Variants in TRMU observed in about 807,000 individuals in gnomAD.
TRMU encodes the protein tRNA mitochondrial 2-thiouridylase.
A neutral mutation model predicts 46.9 loss-of-function variants in TRMU; 49 were observed. The ratio of observed to expected loss-of-function variants is 1.05; its 90% CI spans 0.83 to 1.33. The LOEUF is 1.33. Among genes scored for constraint, TRMU ranks in the 40% most tolerant of loss-of-function variants. The probability of loss-of-function intolerance (pLI) is 0.00; values close to 1 mark genes in which losing one functional copy is unlikely to be tolerated. For missense variants in TRMU, 572 were observed against 532.4 expected (o/e 1.07, Z -0.73); for synonymous variants, 241 against 200.9 (o/e 1.20, Z -1.69).
rs557370442 is a variant in TRMU at position 46,344,046 on chromosome 22, A to G, written c.355+678A>G. On this transcript the variant is annotated intron_variant, in intron 3 of 10. Transcript: ENST00000645190. ...TGCCTACAAAAACAAAAAATCAAAA[A>G]GAAAAATCTTAAATTTCAACATTGG... Among the ~76,000 whole-genome samples the G allele has an allele frequency of 2.6e-5, 4 of 152,384 alleles. No homozygotes were observed. The East Asian group carries it at 7.7e-4, about 29-fold the overall frequency.
intron 8 of TRMU, 104 bp from the exon 9 acceptor site, chr22:46,355,340 T>TG (rs376540495): frequency 1.3e-6 from 2 of 1,490,152 alleles, no homozygotes; most frequent in African/African-American, 2.8e-5. Flanking sequence ...CCGTTACCTG[T>TG]GTGTGTGTGT....
Position 46,355,776 on chromosome 22 carries a change from G to T in TRMU, c.1018+188G>T, listed in dbSNP as rs565658751. ...TGAGCGAGGCCTGGGGGTGCTGGGAGCAGATGCAGGCAGGCCCCGGCGTGT... is the reference window on the plus strand; with the variant it reads ...TGAGCGAGGCCTGGGGGTGCTGGGATCAGATGCAGGCAGGCCCCGGCGTGT... On this transcript the variant is annotated intron_variant, in intron 9 of 10. Coordinates refer to ENST00000645190, the MANE Select transcript of TRMU (RefSeq NM_018006.5). 3.7e-5 allele frequency: 40 copies of T among 1,092,640 alleles called. No individual in the cohort carries two copies. The East Asian group carries it at 9.8e-4, about 27-fold the overall frequency. The allele number at this position is 1,092,640 out of a possible 1,614,324, so 67.7% of individuals were successfully genotyped here. A position where few individuals can be genotyped will look rare whatever the true frequency, so the allele number is the denominator to read the frequency against.
rs561225823 is a variant in TRMU, at chr22:46,349,817, G to A, written c.479-474G>A. 2.0e-5 allele frequency among the ~76,000 whole-genome samples: 3 copies of A among 152,318 alleles called. No individual in the cohort carries two copies. Among genetic ancestry groups the A allele is most frequent in the South Asian group, 2.1e-4 (1 of 4,828 alleles). On this transcript the variant is annotated intron_variant, in intron 4 of 10. Transcript: ENST00000645190. The surrounding 1 kb of genome is among the most constrained non-coding windows in gnomAD (Gnocchi z 4.6). Reference sequence around the variant, plus strand: ...GCGCTGCTGGAGGCATGTGCTGGCCGCCGGGCAGTGAACCTGGAAAGTGTA... The same window carrying A: ...GCGCTGCTGGAGGCATGTGCTGGCCACCGGGCAGTGAACCTGGAAAGTGTA...
In TRMU at chr22:46,340,871, T is replaced by G. The variant is rs2078104632; in HGVS notation, c.249-2391T>G. Reference sequence around the variant, plus strand: ...CGGCCGGGTAGAGTCTTTTCCCATCTCTGGGGCTGCCCCCGAGGTCGCCCC... The same window carrying G: ...CGGCCGGGTAGAGTCTTTTCCCATCGCTGGGGCTGCCCCCGAGGTCGCCCC... On this transcript the variant is annotated intron_variant, in intron 2 of 10. Coordinates refer to ENST00000645190, the MANE Select transcript of TRMU (RefSeq NM_018006.5). Among the ~76,000 whole-genome samples, 7 of 152,244 alleles carry G rather than the reference T, an allele frequency of 4.6e-5. No individual in the cohort carries two copies. In the South Asian group the frequency reaches 1.4e-3, roughly 31 times the overall value.
At chr22:46,356,395 C>T (rs1295350813) in intron 10 of TRMU, 4 of 449,276 alleles carry the variant, frequency 8.9e-6, no homozygotes, top group Non-Finnish European at 4.1e-6. Flanking sequence ...GGGTCGGGGC[C>T]CCTGTGGGCC....
At chr22:46,354,035 G>A (rs1483228350) in intron 8 of TRMU, 168 bp downstream of exon 8, 2 of 659,486 alleles carry the variant, frequency 3.0e-6, no homozygotes, top group Non-Finnish European at 2.8e-6. Context: ...GGCCATGGTG[G>A]CAGGAGAGTT....
chr22:46,350,342 T>A lies in TRMU; in HGVS notation c.530T>A (p.Leu177His), dbSNP rs1477552038. 6.2e-7 allele frequency: 1 copy of A among 1,614,138 alleles called. No individual in the cohort carries two copies. Among genetic ancestry groups the A allele is most frequent in the Non-Finnish European group, 8.5e-7 (1 of 1,180,048 alleles). Residue 177 changes from leucine (L) to histidine (H), a missense_variant, in exon 5 of 11, where the codon CTC becomes CAC. Transcript: ENST00000645190. The surrounding 1 kb of genome is among the most constrained non-coding windows in gnomAD (Gnocchi z 4.6). ...ADSFKDQTFF[L>H]SQVSQDALRR... ...AGCTTTAAAGACCAGACCTTCTTTC[T>A]CAGCCAGGTTTCCCAGGATGCCCTG...
chr22:46,337,583 G>C (rs1382833622), intron 1 of TRMU, among the ~76,000 whole-genome samples, 196 bp from the exon 2 acceptor site: 1 of 152,102 alleles, frequency 6.6e-6, no homozygotes, highest in Non-Finnish European at 1.5e-5. Flanking sequence ...ATACCACCTC[G>C]TTAATCTTGG....
Position 46,350,547 on chromosome 22 carries a change from G to T in TRMU, c.651+84G>T. 1 of 1,531,122 alleles carries T rather than the reference G, an allele frequency of 6.5e-7. No individual in the cohort carries two copies. The highest frequency in any genetic ancestry group is 9.0e-7 in the Non-Finnish European group (1 of 1,110,218). The allele number at this position is 1,531,122 out of a possible 1,614,324, so 94.8% of individuals were successfully genotyped here. A position where few individuals can be genotyped will look rare whatever the true frequency, so the allele number is the denominator to read the frequency against. ...CGGAGCAGCTGGACCTGTGGGTCCC[G>T]CACCACTTCCCCTTCTCCAGGACCT... is the stretch of plus-strand genomic sequence containing the variant. On this transcript the variant is annotated intron_variant, in intron 5 of 10. Coordinates refer to ENST00000645190, the MANE Select transcript of TRMU (RefSeq NM_018006.5). This position sits in a 1 kb window ranked among gnomAD's most constrained non-coding sequence, Gnocchi z 4.6.
rs2078307062 is a variant in TRMU, at chr22:46,348,118, A to G, written c.478+1574A>G. ...TTCAGGAAGACATGGGTTGGAATGC[A>G]GAGTCCTGCCACTTGGGAACTCCAG... On this transcript the variant is annotated intron_variant, in intron 4 of 10. Coordinates refer to ENST00000645190, the MANE Select transcript of TRMU (RefSeq NM_018006.5). The surrounding 1 kb of genome is among the most constrained non-coding windows in gnomAD (Gnocchi z 4.8). Among the ~76,000 whole-genome samples the G allele has an allele frequency of 6.6e-6, 1 of 152,198 alleles. No individual in the cohort carries two copies. The highest frequency in any genetic ancestry group is 2.4e-5 in the African/African-American group (1 of 41,464).
In TRMU at chr22:46,349,354, C is replaced by T. The variant is rs1371165093; in HGVS notation, c.479-937C>T. ...AACTGGGCCGGCTCCAGTCTCCCCTCTGTAACGTGGGGAGAATTCTCCCTC... is the reference window on the plus strand; with the variant it reads ...AACTGGGCCGGCTCCAGTCTCCCCTTTGTAACGTGGGGAGAATTCTCCCTC... On this transcript the variant is annotated intron_variant, in intron 4 of 10. Transcript: ENST00000645190. The surrounding 1 kb of genome is among the most constrained non-coding windows in gnomAD (Gnocchi z 4.6). 6.6e-6 allele frequency among the ~76,000 whole-genome samples: 1 copy of T among 152,170 alleles called. No individual in the cohort carries two copies. The highest frequency in any genetic ancestry group is 2.4e-5 in the African/African-American group (1 of 41,442).
At chr22:46,344,460 C>T (rs1013413164) in intron 3 of TRMU, among the ~76,000 whole-genome samples, 5 of 152,142 alleles carry the variant, frequency 3.3e-5, no homozygotes, top group African/African-American at 7.2e-5. Flanking sequence ...TACTTTGGGT[C>T]GTAGTGGCAG....
In TRMU at chr22:46,335,840, C is replaced by T. The variant is rs778355454; in HGVS notation, c.76C>T (p.Arg26Trp). 2.6e-6 allele frequency: 4 copies of T among 1,549,980 alleles called. No individual in the cohort carries two copies. Among genetic ancestry groups the T allele is most frequent in the Non-Finnish European group, 3.5e-6 (4 of 1,153,994 alleles). Residue 26 changes from arginine (R) to tryptophan (W), a missense_variant, in exon 1 of 11, where the codon CGG (arginine) becomes TGG (tryptophan). Physicochemically the swap from Arg to Trp is moderately radical, Grantham distance 101. Coordinates refer to ENST00000645190, the MANE Select transcript of TRMU (RefSeq NM_018006.5). Reference protein sequence around the residue: ...DSAVAALLLRRRGYQVTGVFM... With the variant: ...DSAVAALLLRWRGYQVTGVFM... Reference sequence around the variant, plus strand: ...CGCCGTGGCCGCGCTGCTGCTGAGGCGGAGAGGTGAGGCGTCCGAGGCTCC... The same window carrying T: ...CGCCGTGGCCGCGCTGCTGCTGAGGTGGAGAGGTGAGGCGTCCGAGGCTCC...
intron 3 of TRMU, 143 bp from the exon 4 acceptor site, chr22:46,346,279 T>C: frequency 1.0e-6 from 1 of 964,934 alleles, no homozygotes; most frequent in Non-Finnish European, 1.5e-6. Flanking sequence ...CTGGGATCTC[T>C]ATGTTTGGGT....
intron 2 of TRMU, among the ~76,000 whole-genome samples, chr22:46,340,886 G>C (rs1338958503): frequency 2.6e-5 from 4 of 152,240 alleles, no homozygotes; most frequent in African/African-American, 9.6e-5. Context: ...GGCTGCCCCC[G>C]AGGTCGCCCC....
At position 46,350,538 on chromosome 22, in the gene TRMU, G is replaced by A. The variant is rs1221249132; in HGVS notation, c.651+75G>A. On this transcript the variant is annotated intron_variant, in intron 5 of 10. Coordinates refer to ENST00000645190, the MANE Select transcript of TRMU (RefSeq NM_018006.5). The surrounding 1 kb of genome is among the most constrained non-coding windows in gnomAD (Gnocchi z 4.6). ...TGCATGGCACGGAGCAGCTGGACCT[G>A]TGGGTCCCGCACCACTTCCCCTTCT... The A allele has an allele frequency of 7.1e-6, 11 of 1,550,894 alleles. No homozygotes were observed. The East Asian group carries it at 1.3e-4, about 19-fold the overall frequency.
chr22:46,357,146 C>A lies in TRMU; in HGVS notation c.*140C>A. The stretch of plus-strand genomic sequence containing the variant: ...GCTGGCTGAGGGTCCGAAAAGCCTG[C>A]AGGGGCCCGGCGAGCCCCAGGAAGA... On this transcript the variant is annotated 3_prime_UTR_variant, in exon 11 of 11. Coordinates refer to ENST00000645190, the MANE Select transcript of TRMU (RefSeq NM_018006.5). 8.3e-7 allele frequency: 1 copy of A among 1,201,934 alleles called. No individual in the cohort carries two copies. The highest frequency in any genetic ancestry group is 1.2e-6 in the Non-Finnish European group (1 of 844,724). The allele number at this position is 1,201,934 out of a possible 1,614,324, so 74.5% of individuals were successfully genotyped here. A position where few individuals can be genotyped will look rare whatever the true frequency, so the allele number is the denominator to read the frequency against.
rs556920696 is a variant in TRMU at position 46,351,721 on chromosome 22, C to T, written c.652-400C>T. ...TGCTTGAGGAAGGCGCCTCTCTCCT[C>T]TGACTCCCCTGGAGCCCTCCCCTAA... On this transcript the variant is annotated intron_variant, in intron 5 of 10. Transcript: ENST00000645190. The surrounding 1 kb of genome is among the most constrained non-coding windows in gnomAD (Gnocchi z 6.4). 2.0e-5 allele frequency: 7 copies of T among 342,536 alleles called. No homozygotes were observed. The East Asian group carries it at 4.4e-4, about 21-fold the overall frequency. 21.2% of individuals were successfully genotyped at this position (342,536 alleles called of 1,614,324 possible). A position where few individuals can be genotyped will look rare whatever the true frequency, so the allele number is the denominator to read the frequency against.
intron 1 of TRMU, 127 bp downstream of exon 1, chr22:46,335,973 G>A: frequency 2.0e-6 from 3 of 1,474,002 alleles, no homozygotes; most frequent in Non-Finnish European, 2.7e-6. Context: ...GTCGGCAGGA[G>A]GATACCCCGT....
Sources: gnomAD v4.1 joint callset for allele counts (sites outside exome capture counted in the v4.1 genomes callset) on GRCh38, gnomAD v4.1.1 for gene constraint, Gnocchi (gnomAD v3.1) non-coding constraint, MANE v1.5 for transcripts, NCBI Gene and HGNC (gene_info 2026-07-23, HGNC 2026-07-21) for gene names.